ADGRE3: variants seen among roughly 807,000 people sequenced by gnomAD.
ADGRE3 encodes EGF-like module receptor 3.
Under a neutral mutation model 80.1 loss-of-function variants are expected in ADGRE3, and 88 were observed. The observed-to-expected ratio is 1.10, with a 90% CI of 0.93 to 1.31. The LOEUF (loss-of-function observed/expected upper bound fraction) is 1.31, where lower values mean the gene tolerates loss of function less well. Among genes scored for constraint, ADGRE3 ranks in the 40% most tolerant of loss-of-function variants. The pLI is 0.00. For synonymous variants in ADGRE3, 281 were observed against 294.8 expected (o/e 0.95, Z 0.48); for missense variants, 715 against 776.5 (o/e 0.92, Z 0.94).
chr19:14,626,729 A>G (rs948764179), intron 14 of ADGRE3, among the ~76,000 whole-genome samples: 19 of 152,138 alleles, frequency 1.2e-4, no homozygotes, highest in African/African-American at 4.6e-4. Context: ...AATTAAGGTT[A>G]TTTCCACTGT....
the ADGRE3 span, among the ~76,000 whole-genome samples, chr19:14,606,530 A>G: frequency 6.6e-6 from 1 of 152,100 alleles, no homozygotes; most frequent in Non-Finnish European, 1.5e-5. Context: ...AAATACAAAA[A>G]TTAGCCGGGC....
intron 11 of ADGRE3, among the ~76,000 whole-genome samples, chr19:14,636,614 G>T (rs1971098740): frequency 6.6e-6 from 1 of 152,060 alleles, no homozygotes. Context: ...AATAATCAGA[G>T]AAGACAAAAC....
rs996298347 is a variant in ADGRE3 at position 14,643,244 on chromosome 19, C to T, written c.1050+864G>A. Among the ~76,000 whole-genome samples, 10 of 149,482 alleles carry T rather than the reference C, an allele frequency of 6.7e-5. 1 individual carries two copies. The highest frequency in any genetic ancestry group is 3.4e-4 in the Admixed American group (5 of 14,820). ...CGCTGCAACCTCTGCCTCCCAGGTT[C>T]AAGCAATTCTCCTGCCTCAGCCTCC... On this transcript the variant is annotated intron_variant, in intron 9 of 15. Transcript: ENST00000253673.
chr19:14,628,228 A>G (rs1477656410), intron 14 of ADGRE3, among the ~76,000 whole-genome samples: 2 of 151,778 alleles, frequency 1.3e-5, no homozygotes, highest in African/African-American at 4.8e-5. Flanking sequence ...AAGAGTACAT[A>G]TAAGTGTTTT....
intron 7 of ADGRE3, among the ~76,000 whole-genome samples, chr19:14,647,969 C>T (rs1214095164): frequency 6.6e-6 from 1 of 150,852 alleles, no homozygotes; most frequent in African/African-American, 2.4e-5. Flanking sequence ...GTAATCCCAG[C>T]TACTTGGGAG....
chr19:14,664,888 C>A (rs80094169), intron 2 of ADGRE3, among the ~76,000 whole-genome samples: 6,194 of 151,972 alleles, frequency 0.041, 137 homozygotes, highest in East Asian at 0.1. Context: ...GAGCTGTCTA[C>A]TGCTTATTGT....
chr19:14,620,460 ATAT>A (rs1970522047), intron 15 of ADGRE3, among the ~76,000 whole-genome samples: 1 of 136,378 alleles, frequency 7.3e-6, no homozygotes, highest in Non-Finnish European at 1.6e-5. Context: ...ATATATGAAT[ATAT>A]GAATATATTA....
chr19:14,632,357 T>G (rs1970909264), intron 13 of ADGRE3, among the ~76,000 whole-genome samples: 1 of 152,184 alleles, frequency 6.6e-6, no homozygotes, highest in African/African-American at 2.4e-5. Flanking sequence ...CAGAAACGAA[T>G]GTTTTTCTCC....
In ADGRE3 at chr19:14,655,009, C is replaced by CT; in HGVS notation, c.549dup (p.Val184SerfsTer8). 2 of 1,613,864 alleles carry CT rather than the reference C, an allele frequency of 1.2e-6. No individual in the cohort carries two copies. The highest frequency in any genetic ancestry group is 1.7e-6 in the Non-Finnish European group (2 of 1,179,940). ...ACACTATCGTTTTGGATTTTCAGGA[C>CT]TTTTTGTTCTGGATCTTTCAAGGCA... On this transcript the variant is annotated frameshift_variant, in exon 6 of 16. Coordinates refer to ENST00000253673, the MANE Select transcript of ADGRE3 (RefSeq NM_032571.5). LOFTEE classifies it high-confidence loss of function.
In ADGRE3 at chr19:14,647,317, A is replaced by G. The variant is rs1971437836; in HGVS notation, c.746T>C (p.Ile249Thr). ...CATCTCTTCAAAAAAAGTTGCATTT[A>G]TGATGTTTCCAAGAGAAGAATATGA... ...FISYSSLGNI[I>T]NATFFEEMDK... Residue 249 changes from isoleucine to threonine, a missense_variant, in exon 8 of 16, where the codon ATA becomes ACA. Ile to Thr is a moderately conservative substitution (Grantham distance 89). Transcript: ENST00000253673. 8 of 1,612,638 alleles carry G rather than the reference A, an allele frequency of 5.0e-6. No individual in the cohort carries two copies. Among genetic ancestry groups the G allele is most frequent in the Admixed American group, 1.7e-5 (1 of 59,980 alleles).
chr19:14,664,847 C>T (rs1311919186), intron 2 of ADGRE3, among the ~76,000 whole-genome samples: 1 of 151,858 alleles, frequency 6.6e-6, no homozygotes. Flanking sequence ...AAAAAAAATC[C>T]AACAATAAGT....
intron 5 of ADGRE3, among the ~76,000 whole-genome samples, chr19:14,656,099 A>C (rs959738126): frequency 6.6e-6 from 1 of 151,612 alleles, no homozygotes; most frequent in East Asian, 2.0e-4. Flanking sequence ...TAATCCCAGA[A>C]CTTTGGAAGG....
At chr19:14,603,387 A>T in the ADGRE3 span, among the ~76,000 whole-genome samples, 1 of 152,132 alleles carries the variant, frequency 6.6e-6, no homozygotes, top group African/African-American at 2.4e-5. Context: ...TCATCTACAA[A>T]ATGGGCATAA....
At chr19:14,612,518 A>G in the ADGRE3 span, among the ~76,000 whole-genome samples, 1 of 151,998 alleles carries the variant, frequency 6.6e-6, no homozygotes, top group Non-Finnish European at 1.5e-5. Flanking sequence ...TATTTTTTGT[A>G]GCAACGGGGT....
chr19:14,645,432 G>A lies in ADGRE3; in HGVS notation c.883-1157C>T, dbSNP rs536892569. 1.8e-4 allele frequency among the ~76,000 whole-genome samples: 28 copies of A among 152,266 alleles called. 1 individual carries two copies. The highest frequency in any genetic ancestry group is 6.0e-4 in the African/African-American group (25 of 41,548). ...CCAGCACTTTGGGAAGCCAAGGCGG[G>A]TGGATCACCTAAAGTCAGGACTTGG... On this transcript the variant is annotated intron_variant, in intron 8 of 15. Coordinates refer to ENST00000253673, the MANE Select transcript of ADGRE3 (RefSeq NM_032571.5).
rs1568499192 is a variant in ADGRE3, at chr19:14,663,483, C to T, written c.134G>A (p.Cys45Tyr). 1 of 1,613,152 alleles carries T rather than the reference C, an allele frequency of 6.2e-7. No homozygotes were observed. Among genetic ancestry groups the T allele is most frequent in the Non-Finnish European group, 8.5e-7 (1 of 1,179,474 alleles). Reference protein sequence around the residue: ...ASCVNNTHCTCNHGYTSGSGQ... With the variant: ...ASCVNNTHCTYNHGYTSGSGQ... ...AGATCCAGAAGTATATCCATGGTTG[C>T]AGGTGCAGTGAGTGTTATTGACACA... The change falls in exon 3 of 16, where the codon TGC becomes TAC. Residue 45 changes from cysteine to tyrosine, a missense_variant. Physicochemically the swap from Cys to Tyr is radical, Grantham distance 194. Coordinates refer to ENST00000253673, the MANE Select transcript of ADGRE3 (RefSeq NM_032571.5).
At chr19:14,637,420 G>T (rs1042604905) in intron 11 of ADGRE3, among the ~76,000 whole-genome samples, 62 of 143,652 alleles carry the variant, frequency 4.3e-4, no homozygotes, top group Middle Eastern at 3.2e-3. Context: ...TTGAGACAAG[G>T]TCTTGATCTG....
intron 7 of ADGRE3, among the ~76,000 whole-genome samples, chr19:14,650,270 C>A (rs983141126): frequency 3.3e-5 from 5 of 151,244 alleles, no homozygotes; most frequent in African/African-American, 1.2e-4. Flanking sequence ...TTCCATTTCT[C>A]TCCCCATCTC....
intron 4 of ADGRE3, 82 bp from the exon 5 acceptor site, chr19:14,658,632 G>T: frequency 1.1e-6 from 1 of 911,902 alleles, no homozygotes; most frequent in Non-Finnish European, 1.6e-6. Context: ...TAAGTAATGG[G>T]GTGAGCAACT....
Sources: allele counts gnomAD v4.1 joint callset (sites outside exome capture counted in the v4.1 genomes callset), GRCh38; gene constraint gnomAD v4.1.1; transcripts MANE v1.5; gene names NCBI Gene and HGNC (gene_info 2026-07-23, HGNC 2026-07-21).